DHX35: variants seen among roughly 807,000 people sequenced by gnomAD.
DHX35 encodes probable ATP-dependent RNA helicase DHX35.
In DHX35, 84 loss-of-function variants were observed where a neutral mutation model predicts 99.6. The ratio of observed to expected loss-of-function variants is 0.84; its 90% CI spans 0.71 to 1.01. The LOEUF (loss-of-function observed/expected upper bound fraction) is 1.01, where lower values mean the gene tolerates loss of function less well. Among genes scored for constraint, DHX35 ranks in the 50% least tolerant of loss-of-function variants. The pLI, the probability that DHX35 is intolerant of heterozygous loss-of-function variation, is 0.00. For missense variants in DHX35, 852 were observed against 888.5 expected (o/e 0.96, Z 0.52); for synonymous variants, 331 against 316.2 (o/e 1.05, Z -0.50).
At chr20:38,991,624 A>G in intron 6 of DHX35, 109 bp downstream of exon 6, 1 of 921,342 alleles carries the variant, frequency 1.1e-6, no homozygotes, top group East Asian at 2.7e-5. Flanking sequence ...AGCTGCCCCA[A>G]AGCTTTTCTC....
chr20:38,976,767 C>T (rs1601371808), intron 3 of DHX35, among the ~76,000 whole-genome samples: 1 of 152,114 alleles, frequency 6.6e-6, no homozygotes, highest in African/African-American at 2.4e-5. Flanking sequence ...CCCCTCTTCC[C>T]TCTGCAGCCC....
rs138398053 is a variant in DHX35, at chr20:38,989,083, G to A, written c.450+166G>A. Among the ~76,000 whole-genome samples, 31 of 150,146 alleles carry A rather than the reference G, an allele frequency of 2.1e-4. 1 individual carries two copies. The East Asian group carries it at 6.1e-3, about 30-fold the overall frequency. The stretch of plus-strand genomic sequence containing the variant: ...ACTTTAGTCAGCTAGGAGACAGAGA[G>A]CTCTTCCTTTTTTCTTTTTTTTTTT... On this transcript the variant is annotated intron_variant, in intron 5 of 21. Transcript: ENST00000252011.
intron 5 of DHX35, among the ~76,000 whole-genome samples, chr20:38,990,171 C>T (rs1347334647): frequency 6.6e-6 from 1 of 152,142 alleles, no homozygotes; most frequent in Non-Finnish European, 1.5e-5. Context: ...CTTTTGTATT[C>T]CATTTGGTCA....
At chr20:39,013,243 T>C (rs1193386559) in intron 13 of DHX35, among the ~76,000 whole-genome samples, 1 of 152,234 alleles carries the variant, frequency 6.6e-6, no homozygotes, top group African/African-American at 2.4e-5. Context: ...TATTTAGCAA[T>C]GTTATTTACA....
chr20:38,990,269 CA>C (rs2086318366), intron 5 of DHX35, among the ~76,000 whole-genome samples: 1 of 151,984 alleles, frequency 6.6e-6, no homozygotes, highest in Non-Finnish European at 1.5e-5. Flanking sequence ...GTACCAGGTC[CA>C]AGAAAAATAT....
At chr20:38,987,637 T>A (rs1187846146) in intron 4 of DHX35, among the ~76,000 whole-genome samples, 1 of 152,254 alleles carries the variant, frequency 6.6e-6, no homozygotes, top group African/African-American at 2.4e-5. Context: ...AACTTTTGAA[T>A]AGCCTTCTTG....
intron 3 of DHX35, among the ~76,000 whole-genome samples, chr20:38,975,808 G>A (rs895864296): frequency 2.0e-5 from 3 of 152,168 alleles, no homozygotes; most frequent in African/African-American, 7.2e-5. Flanking sequence ...TGTGGTAGAT[G>A]GCAGAATCAT....
intron 5 of DHX35, among the ~76,000 whole-genome samples, chr20:38,991,253 C>T (rs1398078460): frequency 6.6e-6 from 1 of 152,146 alleles, no homozygotes; most frequent in African/African-American, 2.4e-5. Context: ...TTTGCAACTC[C>T]AGCTGAGGAC....
At chr20:39,031,653 A>C (rs2087055873) in intron 20 of DHX35, among the ~76,000 whole-genome samples, 1 of 152,104 alleles carries the variant, frequency 6.6e-6, no homozygotes, top group African/African-American at 2.4e-5. Context: ...CACAGTTTTG[A>C]CATAGGGACA....
Position 38,962,393 on chromosome 20 carries a change from A to G in DHX35, c.26A>G (p.Lys9Arg). 6.2e-7 allele frequency: 1 copy of G among 1,612,870 alleles called. No individual in the cohort carries two copies. The highest frequency in any genetic ancestry group is 8.5e-7 in the Non-Finnish European group (1 of 1,179,354). ...ATGGCTGCGCCCGTGGGACCGGTGA[A>G]GTTCTGGCGACCCGGTAAGGCCCTT... The part of the protein sequence containing the change: MAAPVGPV[K>R]FWRPGTEGPG... The change falls in exon 1 of 22, where the codon AAG (lysine) becomes AGG (arginine). Residue 9 changes from lysine (K) to arginine (R), a missense_variant. Physicochemically the swap from Lys to Arg is conservative, Grantham distance 26 (BLOSUM62 2). Transcript: ENST00000252011.
At chr20:39,021,764 GAAAGT>G in intron 15 of DHX35, 72 bp from the exon 16 acceptor site, 1 of 1,387,720 alleles carries the variant, frequency 7.2e-7, no homozygotes, top group Non-Finnish European at 1.0e-6. Context: ...GTGGTGCAAG[GAAAGT>G]ATCAGAAAAT....
At chr20:39,019,233 T>C (rs112566598) in intron 15 of DHX35, among the ~76,000 whole-genome samples, 1 of 152,214 alleles carries the variant, frequency 6.6e-6, no homozygotes, top group African/African-American at 2.4e-5. Flanking sequence ...TGAATTTGAC[T>C]GCTCTGAGAA....
At chr20:38,972,465 T>C (rs2086017291) in intron 2 of DHX35, 94 bp from the exon 3 acceptor site, 1 of 792,880 alleles carries the variant, frequency 1.3e-6, no homozygotes, top group African/African-American at 1.7e-5. Context: ...TCACTTTCCT[T>C]TGAAAACAGC....
intron 18 of DHX35, among the ~76,000 whole-genome samples, chr20:39,027,020 G>C (rs1352956749): frequency 6.6e-6 from 1 of 152,122 alleles, no homozygotes; most frequent in East Asian, 1.9e-4. Context: ...ATTTTGTAGG[G>C]TAGGATTGAG....
chr20:38,988,301 G>A (rs1206504009), intron 4 of DHX35, among the ~76,000 whole-genome samples: 1 of 152,060 alleles, frequency 6.6e-6, no homozygotes, highest in Admixed American at 6.5e-5. Context: ...CTTATAAGTT[G>A]CCCCAAGACC....
At chr20:38,964,973 C>CT (rs1405439236) in intron 1 of DHX35, among the ~76,000 whole-genome samples, 1 of 152,138 alleles carries the variant, frequency 6.6e-6, no homozygotes, top group African/African-American at 2.4e-5. Context: ...GGGTGACTGT[C>CT]TAGGTTAGTG....
intron 4 of DHX35, among the ~76,000 whole-genome samples, chr20:38,984,575 A>G (rs2086222450): frequency 6.6e-6 from 1 of 152,232 alleles, no homozygotes; most frequent in Non-Finnish European, 1.5e-5. Flanking sequence ...AAAGTAAGAA[A>G]AAAGAGTACA....
intron 17 of DHX35, among the ~76,000 whole-genome samples, chr20:39,024,518 C>A (rs959101084): frequency 1.3e-5 from 2 of 152,156 alleles, no homozygotes; most frequent in African/African-American, 2.4e-5. Context: ...TTGAGACTTA[C>A]GGCTTAAATC....
At chr20:39,005,601 T>G (rs898008012) in intron 11 of DHX35, among the ~76,000 whole-genome samples, 8 of 152,246 alleles carry the variant, frequency 5.3e-5, no homozygotes, top group Non-Finnish European at 1.2e-4. Context: ...TGAAATTATC[T>G]TCTTGTTTAT....
Sources: allele counts gnomAD v4.1 joint callset (sites outside exome capture counted in the v4.1 genomes callset), GRCh38; gene constraint gnomAD v4.1.1; transcripts MANE v1.5; gene names NCBI Gene and HGNC (gene_info 2026-07-23, HGNC 2026-07-21).